Variants in FRMD4A observed in about 807,000 individuals in gnomAD.
The protein encoded by FRMD4A is FERM domain containing 4A, also known as FERM domain-containing protein 4A.
Under a neutral mutation model 129.1 loss-of-function variants are expected in FRMD4A, and 29 were observed. The ratio of observed to expected loss-of-function variants is 0.22; its 90% CI spans 0.17 to 0.31. The LOEUF (loss-of-function observed/expected upper bound fraction) is 0.31. Ranked by LOEUF, FRMD4A falls within the 10% of genes least tolerant of loss-of-function variation. The pLI, the probability that FRMD4A is intolerant of heterozygous loss-of-function variation, is 1.00. For missense variants in FRMD4A, 1,272 were observed against 1,375.8 expected, an observed-to-expected ratio of 0.92 and a Z score of 1.19; for synonymous variants, 634 against 571.6, an observed-to-expected ratio of 1.11 and a Z score of -1.56.
In FRMD4A at chr10:13,920,870, G is replaced by A. The variant is rs527476583; in HGVS notation, c.46-61958C>T. Reference sequence around the variant, plus strand: ...AGCATGTGACCAGTTATACACAGGTGCTTCAATAGTAGGGTGGTAACTAAC... The same window carrying A: ...AGCATGTGACCAGTTATACACAGGTACTTCAATAGTAGGGTGGTAACTAAC... On this transcript the variant is annotated intron_variant, in intron 2 of 24. Transcript: ENST00000357447. 7.9e-5 allele frequency among the ~76,000 whole-genome samples: 12 copies of A among 152,118 alleles called. No homozygotes were observed. The East Asian group carries it at 2.3e-3, about 29-fold the overall frequency.
intron 3 of FRMD4A, among the ~76,000 whole-genome samples, chr10:13,850,658 G>C (rs958235939): frequency 6.6e-6 from 1 of 152,170 alleles, no homozygotes; most frequent in Admixed American, 6.5e-5. Context: ...CTGGTGTCAG[G>C]GGCTGGCAGA....
chr10:14,042,402 C>T (rs1833813903), intron 2 of FRMD4A, among the ~76,000 whole-genome samples: 1 of 152,168 alleles, frequency 6.6e-6, no homozygotes, highest in African/African-American at 2.4e-5. Context: ...CAATAGAAAC[C>T]AGACACAGCA....
rs376272251 is a variant in FRMD4A at position 13,762,660 on chromosome 10, G to A, written c.405C>T (p.Ser135=). The A allele has an allele frequency of 4.4e-5, 71 of 1,607,558 alleles. No individual in the cohort carries two copies. The highest frequency in any genetic ancestry group is 8.9e-5 in the East Asian group (4 of 44,824). The change falls in exon 7 of 25, where the codon AGC becomes AGT. Residue 135 remains serine, a synonymous_variant. Coordinates refer to ENST00000357447, the MANE Select transcript of FRMD4A (RefSeq NM_018027.5). ...CIYKELIDVD[S]EVVFELASYI... is the part of the protein sequence containing the mutation. ...AGGAAGCTAATTCAAACACCACTTC[G>A]CTGTCAACGTCAATAAGCTCCTGAA...
chr10:14,013,648 C>T (rs993118164), intron 2 of FRMD4A, among the ~76,000 whole-genome samples: 1 of 152,066 alleles, frequency 6.6e-6, no homozygotes, highest in African/African-American at 2.4e-5. Context: ...CATGGCCAGC[C>T]CAGCCAGGCA....
chr10:14,010,426 G>A (rs1428278098), intron 2 of FRMD4A, among the ~76,000 whole-genome samples: 5 of 152,148 alleles, frequency 3.3e-5, no homozygotes, highest in African/African-American at 1.2e-4. Context: ...CCACACATCT[G>A]AGTCTCACAC....
At position 13,693,992 on chromosome 10, in the gene FRMD4A, C is replaced by T. The variant is rs1460520670; in HGVS notation, c.1023G>A (p.Leu341=). The T allele has an allele frequency of 6.5e-7, 1 of 1,547,814 alleles. No individual in the cohort carries two copies. Among genetic ancestry groups the T allele is most frequent in the South Asian group, 1.3e-5 (1 of 78,502 alleles). ...ARSLSEIAID[L]TETGTLKTSK... ...AGGTCTTCAGCGTCCCCGTCTCGGTCAGGTCGATGGCGATCTCACTCAGGC... is the reference window on the plus strand; with the variant it reads ...AGGTCTTCAGCGTCCCCGTCTCGGTTAGGTCGATGGCGATCTCACTCAGGC... The change falls in exon 15 of 25, where the codon CTG becomes CTA. Residue 341 remains leucine (L), a synonymous_variant. Transcript: ENST00000357447.
intron 2 of FRMD4A, among the ~76,000 whole-genome samples, chr10:13,869,139 C>T (rs572118745): frequency 3.4e-4 from 52 of 152,232 alleles, no homozygotes; most frequent in African/African-American, 1.1e-3. Context: ...GGGGACCCAG[C>T]GGTCTATGTG....
chr10:13,995,440 C>T (rs1476897252), intron 2 of FRMD4A, among the ~76,000 whole-genome samples: 2 of 152,166 alleles, frequency 1.3e-5, no homozygotes, highest in African/African-American at 4.8e-5. Flanking sequence ...CAAAAATTAA[C>T]TAGGTGTGGT....
At position 13,728,144 on chromosome 10, in the gene FRMD4A, G is replaced by T. The variant is rs149979657; in HGVS notation, c.759+9700C>A. On this transcript the variant is annotated intron_variant, in intron 12 of 24. Coordinates refer to ENST00000357447, the MANE Select transcript of FRMD4A (RefSeq NM_018027.5). Reference sequence around the variant, plus strand: ...ACTAGAAAGTCTAGGAATACAGAGGGTGCTTTCAAAAGTGTTGTCTGTAAT... The same window carrying T: ...ACTAGAAAGTCTAGGAATACAGAGGTTGCTTTCAAAAGTGTTGTCTGTAAT... 1.8e-3 allele frequency among the ~76,000 whole-genome samples: 267 copies of T among 152,294 alleles called. 1 individual carries two copies. The highest frequency in any genetic ancestry group is 6.2e-3 in the African/African-American group (258 of 41,552).
chr10:13,783,123 G>T, intron 5 of FRMD4A, 117 bp from the exon 6 acceptor site: 1 of 663,010 alleles, frequency 1.5e-6, no homozygotes, highest in Admixed American at 2.5e-5. Flanking sequence ...AATAAACAAA[G>T]GAAAAAGGCA....
chr10:14,146,121 G>C (rs895118083), intron 2 of FRMD4A, among the ~76,000 whole-genome samples: 2 of 152,146 alleles, frequency 1.3e-5, no homozygotes, highest in South Asian at 2.1e-4. Flanking sequence ...TTAATGAGGA[G>C]AGTAAAAGGA....
intron 3 of FRMD4A, among the ~76,000 whole-genome samples, chr10:13,851,642 C>G (rs2094141029): frequency 6.6e-6 from 1 of 152,080 alleles, no homozygotes; most frequent in African/African-American, 2.4e-5. Context: ...TGGCTCACAC[C>G]TGTAATCCCA....
chr10:14,033,342 C>G (rs1323391894), intron 2 of FRMD4A, among the ~76,000 whole-genome samples: 1 of 151,596 alleles, frequency 6.6e-6, no homozygotes, highest in African/African-American at 2.4e-5. Context: ...ATTCAGGGCA[C>G]ATGTGCTTGT....
intron 3 of FRMD4A, among the ~76,000 whole-genome samples, chr10:13,828,026 C>T (rs899836612): frequency 1.3e-5 from 2 of 152,188 alleles, no homozygotes; most frequent in East Asian, 3.8e-4. Context: ...CTGCTCATGG[C>T]GGGGCTCTCA....
chr10:13,796,677 G>C, intron 4 of FRMD4A, 89 bp from the exon 5 acceptor site: 1 of 699,902 alleles, frequency 1.4e-6, no homozygotes, highest in Non-Finnish European at 2.6e-6. Flanking sequence ...AGAACGTGCT[G>C]GATCGTAGAT....
At chr10:14,183,907 T>A (rs1231623902) in intron 2 of FRMD4A, among the ~76,000 whole-genome samples, 1 of 152,194 alleles carries the variant, frequency 6.6e-6, no homozygotes, top group Non-Finnish European at 1.5e-5. Context: ...TTGTGAACAG[T>A]ATTGACTTTA....
chr10:13,785,205 T>C (rs1477488633), intron 5 of FRMD4A, among the ~76,000 whole-genome samples: 2 of 152,154 alleles, frequency 1.3e-5, no homozygotes, highest in Non-Finnish European at 2.9e-5. Context: ...ACAATTCAAG[T>C]TTTTTTGAAA....
intron 2 of FRMD4A, among the ~76,000 whole-genome samples, chr10:13,897,196 G>A (rs758579294): frequency 6.6e-6 from 1 of 152,168 alleles, no homozygotes; most frequent in Non-Finnish European, 1.5e-5. Flanking sequence ...AATACTTTTC[G>A]AGACTCTTTC....
chr10:14,076,359 G>A (rs189091942), intron 2 of FRMD4A, among the ~76,000 whole-genome samples: 2 of 152,290 alleles, frequency 1.3e-5, no homozygotes, highest in South Asian at 2.1e-4. Context: ...TGTGGATCAT[G>A]GCCAGGTGTA....
Sources: allele counts gnomAD v4.1 joint callset (sites outside exome capture counted in the v4.1 genomes callset), GRCh38; gene constraint gnomAD v4.1.1; transcripts MANE v1.5; gene names NCBI Gene and HGNC (gene_info 2026-07-23, HGNC 2026-07-21).